The following CCDC171 variants were observed in gnomAD, a reference collection of about 807,000 sequenced individuals.
The protein encoded by CCDC171 is coiled-coil domain containing 171.
Under a neutral mutation model 168.2 loss-of-function variants are expected in CCDC171, and 177 were observed. That is an observed-to-expected ratio of 1.05 (90% CI 0.93 to 1.19). The LOEUF is 1.19. CCDC171 is among the 50% of genes most tolerant of loss of function. The pLI is 0.00. For synonymous variants in CCDC171, 687 were observed against 540.8 expected (o/e 1.27, Z -3.75); for missense variants, 1,991 against 1,539.0 (o/e 1.29, Z -4.91).
rs184280532 is a variant in CCDC171 at position 15,954,124 on chromosome 9, G to C, written c.3754-17485G>C. ...GGTCTTTTCAAAGAACCAACTTTTG[G>C]TTTCATTGATTTCCTCTACTTACTT... On this transcript the variant is annotated intron_variant, in intron 25 of 25. Transcript: ENST00000380701. 5.4e-4 allele frequency among the ~76,000 whole-genome samples: 79 copies of C among 146,524 alleles called. 1 individual carries two copies. The East Asian group carries it at 0.015, about 29-fold the overall frequency.
intron 22 of CCDC171, among the ~76,000 whole-genome samples, 166 bp downstream of exon 22, chr9:15,847,013 A>G (rs1196973940): frequency 6.6e-6 from 1 of 152,140 alleles, no homozygotes; most frequent in African/African-American, 2.4e-5. Flanking sequence ...AACTCTTAAC[A>G]TACTAAATGT....
Position 15,997,354 on chromosome 9 carries a change from A to T in CCDC171, n.369-23235A>T, listed in dbSNP as rs149737360. On this transcript the variant is annotated intron_variant and non_coding_transcript_variant, in intron 3 of 9. Coordinates refer to the CCDC171 transcript ENST00000486641. The stretch of plus-strand genomic sequence containing the variant: ...TTGGCTGGGGACTGCCCAGAGGAGC[A>T]TGGCCCCAGCTCCTACACTTTGTAG... Among the ~76,000 whole-genome samples the T allele has an allele frequency of 3.3e-5, 5 of 152,340 alleles. No individual in the cohort carries two copies. In the East Asian group the frequency reaches 9.7e-4, roughly 29 times the overall value.
At chr9:15,687,792 C>G (rs1279658480) in intron 10 of CCDC171, among the ~76,000 whole-genome samples, 1 of 152,144 alleles carries the variant, frequency 6.6e-6, no homozygotes, top group East Asian at 1.9e-4. Flanking sequence ...GGACAACTTT[C>G]TAGAAAGACA....
At chr9:15,952,100 A>G (rs1019694506) in intron 25 of CCDC171, among the ~76,000 whole-genome samples, 5 of 152,084 alleles carry the variant, frequency 3.3e-5, no homozygotes, top group African/African-American at 1.2e-4. Flanking sequence ...TTGCATGTGG[A>G]CATGCAGTTC....
chr9:15,587,627 CA>C (rs2041664865), intron 4 of CCDC171: 3 of 456,340 alleles, frequency 6.6e-6, no homozygotes, highest in Non-Finnish European at 1.3e-5. Context: ...ATAAATGAGC[CA>C]TCCAGATCCT....
chr9:16,026,255 C>T (rs1223446803), intron 6 of CCDC171, among the ~76,000 whole-genome samples: 1 of 152,148 alleles, frequency 6.6e-6, no homozygotes, highest in African/African-American at 2.4e-5. Flanking sequence ...TCAACAGATA[C>T]ACGTGGTGTT....
chr9:15,706,229 C>CTTCT (rs1164661287), intron 11 of CCDC171, among the ~76,000 whole-genome samples: 2 of 150,392 alleles, frequency 1.3e-5, no homozygotes, highest in Non-Finnish European at 1.5e-5. Flanking sequence ...TCCTTCCTTC[C>CTTCT]TTCCTTCCTT....
At chr9:15,666,376 C>G (rs2048734286) in intron 9 of CCDC171, 53 bp downstream of exon 9, 3 of 1,308,128 alleles carry the variant, frequency 2.3e-6, no homozygotes, top group African/African-American at 1.5e-5. Context: ...TTTAAAAGAG[C>G]TATATAAAAT....
intron 6 of CCDC171, among the ~76,000 whole-genome samples, chr9:15,600,901 G>A (rs2042795725): frequency 6.6e-6 from 1 of 152,168 alleles, no homozygotes; most frequent in Non-Finnish European, 1.5e-5. Flanking sequence ...TGGTAGCAGT[G>A]AGCGAGGCTC....
At chr9:16,097,616 T>C in the CCDC171 span, among the ~76,000 whole-genome samples, 4 of 152,182 alleles carry the variant, frequency 2.6e-5, no homozygotes, top group Non-Finnish European at 4.4e-5. Flanking sequence ...CAAAAAAGGA[T>C]GAATCTTTAC....
intron 3 of CCDC171, among the ~76,000 whole-genome samples, chr9:15,988,946 G>A (rs1396033735): frequency 1.3e-5 from 2 of 152,164 alleles, no homozygotes; most frequent in African/African-American, 2.4e-5. Context: ...CGAACTGGGT[G>A]GAGCCCACCG....
the CCDC171 span, among the ~76,000 whole-genome samples, chr9:16,105,592 G>A: frequency 3.9e-5 from 6 of 152,176 alleles, no homozygotes; most frequent in Admixed American, 2.0e-4. Context: ...CAGCAAACCC[G>A]TCACGGGCCT....
intron 7 of CCDC171, among the ~76,000 whole-genome samples, chr9:15,632,769 C>G (rs1463905472): frequency 3.3e-5 from 5 of 152,226 alleles, no homozygotes; most frequent in South Asian, 2.1e-4. Flanking sequence ...TGACTTCAAA[C>G]TATACTACAA....
intron 4 of CCDC171, among the ~76,000 whole-genome samples, chr9:15,586,867 G>A (rs935650197): frequency 2.6e-5 from 4 of 152,088 alleles, no homozygotes; most frequent in African/African-American, 4.8e-5. Flanking sequence ...GAGGGCAGTG[G>A]TGTGGTCATA....
intron 6 of CCDC171, among the ~76,000 whole-genome samples, chr9:15,604,909 T>C (rs1047588132): frequency 1.3e-5 from 2 of 152,174 alleles, no homozygotes; most frequent in Non-Finnish European, 2.9e-5. Flanking sequence ...AATATAATTT[T>C]ATTTTGTTTT....
chr9:16,039,767 C>G (rs2133053840), upstream of CCDC171, among the ~76,000 whole-genome samples: 1 of 152,300 alleles, frequency 6.6e-6, no homozygotes, highest in South Asian at 2.1e-4. Flanking sequence ...GAAATCATCA[C>G]TCAGTCACAT....
At chr9:15,849,605 A>G (rs929312783) in intron 23 of CCDC171, among the ~76,000 whole-genome samples, 2 of 151,744 alleles carry the variant, frequency 1.3e-5, no homozygotes, top group Non-Finnish European at 3.0e-5. Flanking sequence ...CTGCATTGAA[A>G]GATGTGTTCA....
intron 6 of CCDC171, among the ~76,000 whole-genome samples, chr9:15,621,445 A>T (rs902034385): frequency 1.3e-5 from 2 of 152,158 alleles, no homozygotes; most frequent in Non-Finnish European, 2.9e-5. Context: ...GAACTGAACC[A>T]GCCATATCTC....
intron 6 of CCDC171, among the ~76,000 whole-genome samples, chr9:15,596,362 T>C (rs1323362955): frequency 4.6e-5 from 7 of 151,710 alleles, no homozygotes; most frequent in Non-Finnish European, 8.9e-5. Context: ...TTTCTACATA[T>C]GGCTAGCCAG....
Sources: gnomAD v4.1 joint callset for allele counts (sites outside exome capture counted in the v4.1 genomes callset) on GRCh38, gnomAD v4.1.1 for gene constraint, MANE v1.5 for transcripts, NCBI Gene and HGNC (gene_info 2026-07-23, HGNC 2026-07-21) for gene names.